The following CALN1 variants were observed in gnomAD, a reference collection of about 807,000 sequenced individuals.
The protein encoded by CALN1 is calcium-binding protein 8.
In CALN1, 17 loss-of-function variants were observed where a neutral mutation model predicts 30.6. The ratio of observed to expected loss-of-function variants is 0.56; its 90% CI spans 0.38 to 0.83. CALN1 has a LOEUF of 0.83. CALN1 is among the 40% of genes least tolerant of loss of function. The pLI, the probability that CALN1 is intolerant of heterozygous loss-of-function variation, is 0.00. For missense variants in CALN1, 291 were observed against 354.9 expected (o/e 0.82, Z 1.45); for synonymous variants, 156 against 131.4 (o/e 1.19, Z -1.28).
chr7:71,816,697 C>T (rs1052669575), intron 5 of CALN1, among the ~76,000 whole-genome samples: 3 of 152,092 alleles, frequency 2.0e-5, no homozygotes, highest in Admixed American at 1.3e-4. Context: ...TGCCTGTAAT[C>T]CCAGCACTTT....
intron 2 of CALN1, among the ~76,000 whole-genome samples, chr7:72,339,718 G>A (rs537202780): frequency 6.6e-6 from 1 of 152,318 alleles, no homozygotes; most frequent in South Asian, 2.1e-4. Context: ...AGAAGGTAAA[G>A]GAGAAGCAAA....
chr7:72,350,033 T>C (rs1802839415), intron 2 of CALN1, among the ~76,000 whole-genome samples: 1 of 152,218 alleles, frequency 6.6e-6, no homozygotes, highest in Non-Finnish European at 1.5e-5. Flanking sequence ...TGGTATCTTC[T>C]AGGTTTCCTT....
intron 5 of CALN1, among the ~76,000 whole-genome samples, chr7:72,007,878 T>C (rs955797157): frequency 2.0e-5 from 3 of 152,154 alleles, no homozygotes; most frequent in Non-Finnish European, 2.9e-5. Flanking sequence ...CAAAAGACTT[T>C]CAATAAGCCT....
intron 3 of CALN1, among the ~76,000 whole-genome samples, chr7:72,224,905 G>A (rs1793560438): frequency 6.6e-6 from 1 of 151,710 alleles, no homozygotes; most frequent in South Asian, 2.1e-4. Flanking sequence ...TGGCTAACAT[G>A]GTGAAACCCG....
At chr7:72,065,543 C>T (rs1303391232) in intron 4 of CALN1, among the ~76,000 whole-genome samples, 1 of 152,136 alleles carries the variant, frequency 6.6e-6, no homozygotes, top group African/African-American at 2.4e-5. Context: ...AGCAAGCATC[C>T]CCAATCCCAT....
At chr7:72,186,759 T>A (rs1221527885) in intron 3 of CALN1, among the ~76,000 whole-genome samples, 1 of 152,138 alleles carries the variant, frequency 6.6e-6, no homozygotes, top group African/African-American at 2.4e-5. Flanking sequence ...TTTTTACAGT[T>A]GTGTAGTATT....
At chr7:71,857,115 C>T (rs1396375733) in intron 5 of CALN1, among the ~76,000 whole-genome samples, 1 of 150,438 alleles carries the variant, frequency 6.6e-6, no homozygotes, top group East Asian at 2.0e-4. Flanking sequence ...TTCAAATGGA[C>T]CATGCTTCTT....
chr7:71,821,290 T>TAA (rs907367559), intron 5 of CALN1, among the ~76,000 whole-genome samples: 20 of 152,286 alleles, frequency 1.3e-4, no homozygotes, highest in African/African-American at 4.6e-4. Flanking sequence ...GTGTGACTTT[T>TAA]ATCTTCATAT....
chr7:72,434,832 G>A (rs568294233), intron 1 of CALN1, among the ~76,000 whole-genome samples: 19 of 152,326 alleles, frequency 1.2e-4, no homozygotes, highest in African/African-American at 2.6e-4. Flanking sequence ...CACTTCATGC[G>A]AGGCCTGGAC....
chr7:71,924,798 T>C (rs887960760), intron 5 of CALN1, among the ~76,000 whole-genome samples: 1 of 152,246 alleles, frequency 6.6e-6, no homozygotes, highest in African/African-American at 2.4e-5. Context: ...TGTTCTATTG[T>C]TGTCAATCAT....
At position 71,787,508 on chromosome 7, in the gene CALN1, G is replaced by GCA; in HGVS notation, c.*265_*266dup. The GCA allele has an allele frequency of 2.6e-6, 1 of 383,576 alleles. No individual in the cohort carries two copies. The highest frequency in any genetic ancestry group is 2.0e-5 in the African/African-American group (1 of 49,948). 23.8% of individuals were successfully genotyped at this position (383,576 alleles called of 1,614,324 possible). A position where few individuals can be genotyped will look rare whatever the true frequency, so the allele number is the denominator to read the frequency against. ...TCTAGAGTTATGACTGATGGTTGAA[G>GCA]CAATAATTTGGAAATCCTGGCGATT... On this transcript the variant is annotated 3_prime_UTR_variant, in exon 7 of 7. Transcript: ENST00000395275.
At chr7:72,166,708 T>TAG (rs369950198) in intron 3 of CALN1, among the ~76,000 whole-genome samples, 135 of 152,336 alleles carry the variant, frequency 8.9e-4, no homozygotes, top group African/African-American at 3.1e-3. Flanking sequence ...AGGCTATGAA[T>TAG]AGATCAGAGT....
At chr7:72,225,641 A>C (rs1793618059) in intron 3 of CALN1, among the ~76,000 whole-genome samples, 1 of 152,114 alleles carries the variant, frequency 6.6e-6, no homozygotes, top group Non-Finnish European at 1.5e-5. Flanking sequence ...GATTTTGTAG[A>C]ATTTACACTG....
At chr7:71,925,152 G>T (rs1482431865) in intron 5 of CALN1, among the ~76,000 whole-genome samples, 1 of 152,084 alleles carries the variant, frequency 6.6e-6, no homozygotes, top group African/African-American at 2.4e-5. Flanking sequence ...GAAGCAGGAG[G>T]ATCGCTTGAA....
chr7:72,212,927 C>T (rs538153659), intron 3 of CALN1, among the ~76,000 whole-genome samples: 84 of 152,360 alleles, frequency 5.5e-4, no homozygotes, highest in African/African-American at 1.9e-3. Context: ...CCACCTTCCA[C>T]ATGGAGAAAA....
intron 3 of CALN1, among the ~76,000 whole-genome samples, chr7:72,219,674 C>T (rs1325741362): frequency 8.0e-6 from 1 of 125,582 alleles, no homozygotes; most frequent in Non-Finnish European, 1.9e-5. Flanking sequence ...CTTGCACACA[C>T]ATGCATACAC....
At chr7:72,370,048 T>G (rs1374114061) in intron 2 of CALN1, among the ~76,000 whole-genome samples, 3 of 152,234 alleles carry the variant, frequency 2.0e-5, no homozygotes, top group Non-Finnish European at 4.4e-5. Context: ...CCAAACACCG[T>G]TAATACAAAA....
At chr7:72,169,395 C>G (rs1296088917) in intron 3 of CALN1, among the ~76,000 whole-genome samples, 1 of 152,146 alleles carries the variant, frequency 6.6e-6, no homozygotes, top group African/African-American at 2.4e-5. Context: ...TCATACCTCA[C>G]TGCAGCCTCG....
chr7:72,148,912 AAAAGAAAGAAAG>A (rs1246120490), intron 3 of CALN1, among the ~76,000 whole-genome samples: 1 of 151,206 alleles, frequency 6.6e-6, no homozygotes, highest in Admixed American at 6.6e-5. Flanking sequence ...AAAAACAAAA[AAAAGAAAGAAAG>A]AAAGAAAAAA....
Sources: gnomAD v4.1 joint callset for allele counts (sites outside exome capture counted in the v4.1 genomes callset) on GRCh38, gnomAD v4.1.1 for gene constraint, MANE v1.5 for transcripts, NCBI Gene and HGNC (gene_info 2026-07-23, HGNC 2026-07-21) for gene names.